The following RIN2 variants were observed in gnomAD, a reference collection of about 807,000 sequenced individuals.
The protein encoded by RIN2 is RAB5 interacting protein 2.
RIN2 carries 36 observed loss-of-function variants against 78.0 expected under a neutral mutation model. That is an observed-to-expected ratio of 0.46 (90% CI 0.35 to 0.61). The LOEUF is 0.61. Ranked by LOEUF, RIN2 falls within the 20% of genes least tolerant of loss-of-function variation. RIN2 has a pLI of 0.00. For synonymous variants in RIN2, 466 were observed against 466.8 expected, an observed-to-expected ratio of 1.00 and a Z score of 0.02; for missense variants, 1,087 against 1,159.7, an observed-to-expected ratio of 0.94 and a Z score of 0.91.
intron 3 of RIN2, among the ~76,000 whole-genome samples, chr20:19,928,793 C>A (rs74626029): frequency 0.034 from 5,137 of 152,228 alleles, 149 homozygotes; most frequent in Middle Eastern, 0.082. Context: ...TTGTGGTCAC[C>A]AGCACCCCCT....
chr20:19,797,621 G>A (rs369730737), intron 1 of RIN2, among the ~76,000 whole-genome samples: 18 of 152,278 alleles, frequency 1.2e-4, no homozygotes, highest in East Asian at 1.9e-4. Context: ...TGATGTCAAC[G>A]TAGCTTAATG....
intron 3 of RIN2, among the ~76,000 whole-genome samples, chr20:19,932,169 C>T (rs2040466151): frequency 6.6e-6 from 1 of 152,186 alleles, no homozygotes; most frequent in African/African-American, 2.4e-5. Flanking sequence ...TGAATTAATG[C>T]CGTTATCTTG....
chr20:19,849,604 C>G (rs1397704021), intron 2 of RIN2, among the ~76,000 whole-genome samples: 1 of 152,204 alleles, frequency 6.6e-6, no homozygotes, highest in Non-Finnish European at 1.5e-5. Flanking sequence ...GGCATGATGT[C>G]TCGGAAGCCT....
intron 1 of RIN2, among the ~76,000 whole-genome samples, chr20:19,769,836 T>G (rs2034043286): frequency 6.6e-6 from 1 of 152,238 alleles, no homozygotes; most frequent in Admixed American, 6.5e-5. Flanking sequence ...ACTGCTGATA[T>G]AAGGTGGAAA....
At chr20:19,763,008 A>G (rs1600389242) in intron 1 of RIN2, among the ~76,000 whole-genome samples, 2 of 152,032 alleles carry the variant, frequency 1.3e-5, no homozygotes, top group Admixed American at 1.3e-4. Flanking sequence ...CGGGTAATCC[A>G]CCCACCTTGG....
chr20:19,883,483 G>T (rs1020983825), intron 2 of RIN2, among the ~76,000 whole-genome samples: 4 of 151,920 alleles, frequency 2.6e-5, no homozygotes, highest in African/African-American at 7.3e-5. Flanking sequence ...GGGACCCTAG[G>T]CACTCACCAC....
intron 2 of RIN2, among the ~76,000 whole-genome samples, chr20:19,869,080 TCA>T (rs1491420429): frequency 3.6e-4 from 8 of 22,246 alleles, no homozygotes; most frequent in African/African-American, 1.4e-3. Context: ...AGACTCCGTC[TCA>T]AAAAAAAAAA....
chr20:19,816,285 A>G (rs1390021722), intron 2 of RIN2, among the ~76,000 whole-genome samples: 5 of 152,216 alleles, frequency 3.3e-5, no homozygotes, highest in Non-Finnish European at 7.3e-5. Flanking sequence ...TGCAGTTAGC[A>G]TTGCTGATTA....
At chr20:19,922,783 C>G (rs1239149431) in intron 3 of RIN2, among the ~76,000 whole-genome samples, 2 of 152,190 alleles carry the variant, frequency 1.3e-5, no homozygotes, top group Non-Finnish European at 2.9e-5. Context: ...CCAGTGTCCC[C>G]AGCAGATACA....
At chr20:19,982,209 G>A (rs751012548) in intron 9 of RIN2, among the ~76,000 whole-genome samples, 15 of 152,108 alleles carry the variant, frequency 9.9e-5, no homozygotes, top group African/African-American at 2.4e-4. Context: ...TGGTGGAGAC[G>A]CCACCCAGTC....
In RIN2 at chr20:19,974,669, C is replaced by T. The variant is rs1231340158; in HGVS notation, c.644C>T (p.Pro215Leu). 1 of 1,612,550 alleles carries T rather than the reference C, an allele frequency of 6.2e-7. No individual in the cohort carries two copies. The highest frequency in any genetic ancestry group is 8.5e-7 in the Non-Finnish European group (1 of 1,178,754). The change falls in exon 9 of 13, where the codon CCA becomes CTA. Residue 215 changes from proline to leucine, a missense_variant. By Grantham distance (98) the Pro-to-Leu change is moderately conservative. Transcript: ENST00000255006. ...TGACTTTCAGATTTCTGGAGCTCCC[C>T]AGCTGACAGCAAACCCCCGAACCTT... ...AQMGLNFWSS[P>L]ADSKPPNLPP...
At chr20:19,759,168 A>G (rs2033522041) in intron 1 of RIN2, among the ~76,000 whole-genome samples, 1 of 152,162 alleles carries the variant, frequency 6.6e-6, no homozygotes, top group South Asian at 2.1e-4. Flanking sequence ...TTGAAAGCCT[A>G]TGATATGTTG....
At chr20:19,839,502 A>T (rs1161460226) in intron 2 of RIN2, among the ~76,000 whole-genome samples, 5 of 152,244 alleles carry the variant, frequency 3.3e-5, no homozygotes, top group African/African-American at 1.2e-4. Flanking sequence ...GGAGTTCACC[A>T]TGTCTCTGGG....
chr20:19,894,123 C>T (rs979191943), intron 3 of RIN2, among the ~76,000 whole-genome samples: 1 of 152,104 alleles, frequency 6.6e-6, no homozygotes, highest in Admixed American at 6.6e-5. Context: ...AGGGGTAACA[C>T]CCTACACATG....
At chr20:19,812,427 AT>A (rs2035632925) in intron 2 of RIN2, among the ~76,000 whole-genome samples, 1 of 151,730 alleles carries the variant, frequency 6.6e-6, no homozygotes, top group Admixed American at 6.6e-5. Flanking sequence ...GTGTTGTGGC[AT>A]CTTATTGTGG....
chr20:19,917,176 G>A (rs1208391637), intron 3 of RIN2, among the ~76,000 whole-genome samples: 1 of 151,832 alleles, frequency 6.6e-6, no homozygotes, highest in Non-Finnish European at 1.5e-5. Flanking sequence ...CAGCTTCAGG[G>A]AGGGAGAGGG....
intron 4 of RIN2, among the ~76,000 whole-genome samples, chr20:19,950,620 C>T (rs1029221819): frequency 6.6e-6 from 1 of 151,926 alleles, no homozygotes; most frequent in Non-Finnish European, 1.5e-5. Context: ...ATACTTTGCC[C>T]TTAAATTTTT....
chr20:19,881,895 A>C (rs1342614158), intron 2 of RIN2, among the ~76,000 whole-genome samples: 1 of 152,236 alleles, frequency 6.6e-6, no homozygotes, highest in East Asian at 1.9e-4. Flanking sequence ...TGCTGGGCCA[A>C]AGAATATTCC....
At chr20:19,767,753 T>C (rs1222605258) in intron 1 of RIN2, among the ~76,000 whole-genome samples, 4 of 151,674 alleles carry the variant, frequency 2.6e-5, no homozygotes, top group African/African-American at 7.3e-5. Flanking sequence ...GGCGAAACCC[T>C]GTCTCTACTA....
Sources: allele counts gnomAD v4.1 joint callset (sites outside exome capture counted in the v4.1 genomes callset), GRCh38; gene constraint gnomAD v4.1.1; transcripts MANE v1.5; gene names NCBI Gene and HGNC (gene_info 2026-07-23, HGNC 2026-07-21).